Variants in MRPS31 observed in about 807,000 individuals in gnomAD.
MRPS31 encodes small ribosomal subunit protein mS31.
MRPS31 carries 32 observed loss-of-function variants against 43.1 expected under a neutral mutation model. The observed-to-expected ratio is 0.74, with a 90% CI of 0.56 to 1.00. The LOEUF (loss-of-function observed/expected upper bound fraction) is 1.00. Ranked by LOEUF, MRPS31 falls within the 50% of genes least tolerant of loss-of-function variation. MRPS31 has a pLI of 0.00. For missense variants in MRPS31, 437 were observed against 466.7 expected (o/e 0.94, Z 0.59); for synonymous variants, 165 against 161.6 (o/e 1.02, Z -0.16).
At chr13:40,730,396 G>A (rs753755776) in intron 6 of MRPS31, among the ~76,000 whole-genome samples, 2 of 151,922 alleles carry the variant, frequency 1.3e-5, no homozygotes, top group African/African-American at 2.4e-5. Context: ...GTGATGGCAT[G>A]TGCCTGTAAT....
At chr13:40,757,147 T>A in intron 3 of MRPS31, 134 bp from the exon 4 acceptor site, 1 of 632,294 alleles carries the variant, frequency 1.6e-6, no homozygotes, top group Non-Finnish European at 2.5e-6. Flanking sequence ...ATAAAATGTT[T>A]AAATAAAAAA....
intron 6 of MRPS31, chr13:40,731,346 C>T: frequency 6.7e-6 from 1 of 148,826 alleles, no homozygotes; most frequent in Non-Finnish European, 1.5e-5. Context: ...CTGGGGGTGG[C>T]AGGTAGGGGG....
intron 2 of MRPS31, among the ~76,000 whole-genome samples, chr13:40,761,453 T>G (rs1040937936): frequency 2.0e-5 from 3 of 152,210 alleles, no homozygotes; most frequent in Non-Finnish European, 4.4e-5. Flanking sequence ...TAGATGAATA[T>G]TCATTTTCTA....
chr13:40,763,245 G>A (rs1324731046), intron 2 of MRPS31, among the ~76,000 whole-genome samples: 2 of 152,192 alleles, frequency 1.3e-5, no homozygotes, highest in Non-Finnish European at 1.5e-5. Flanking sequence ...ACCACAGCAG[G>A]CTGGCAGGGC....
Position 40,771,068 on chromosome 13 carries a change from G to A in MRPS31, c.69C>T (p.Ser23=), listed in dbSNP as rs1464752017. The change falls in exon 1 of 7, where the codon AGC becomes AGT. Residue 23 remains serine, a synonymous_variant. Coordinates refer to ENST00000323563, the MANE Select transcript of MRPS31 (RefSeq NM_005830.4). ...TAATCGCAGCCGCTGATGTCTCCGG[G>A]CTTCCAGAGGACAAAGGGTGGCGGG... ...PLSRHPLSSG[S]PETSAAAIML... The A allele has an allele frequency of 6.2e-7, 1 of 1,614,132 alleles. No individual in the cohort carries two copies. Among genetic ancestry groups the A allele is most frequent in the Non-Finnish European group, 8.5e-7 (1 of 1,180,004 alleles).
chr13:40,749,305 TAAC>T (rs746140075), intron 5 of MRPS31, 24 bp from the exon 6 acceptor site: 187 of 1,524,016 alleles, frequency 1.2e-4, no homozygotes, highest in African/African-American at 1.4e-4. Flanking sequence ...ACATTTTAGA[TAAC>T]AACAAGTCAA....
At chr13:40,740,693 A>T (rs1420807586) in intron 6 of MRPS31, among the ~76,000 whole-genome samples, 1 of 142,938 alleles carries the variant, frequency 7.0e-6, no homozygotes, top group Non-Finnish European at 1.5e-5. Context: ...AGAACAAAAA[A>T]CCAAACACCG....
intron 2 of MRPS31, among the ~76,000 whole-genome samples, chr13:40,763,094 A>G (rs2138016642): frequency 6.6e-6 from 1 of 152,228 alleles, no homozygotes; most frequent in East Asian, 1.9e-4. Flanking sequence ...AATCAGGTTA[A>G]GAGGAAGTTA....
At chr13:40,753,163 G>T (rs1009699021) in intron 5 of MRPS31, among the ~76,000 whole-genome samples, 1 of 152,052 alleles carries the variant, frequency 6.6e-6, no homozygotes, top group African/African-American at 2.4e-5. Context: ...TTCTCTTTTA[G>T]ACTTAAAATG....
intron 6 of MRPS31, among the ~76,000 whole-genome samples, chr13:40,735,201 C>T (rs572028892): frequency 2.6e-5 from 4 of 152,330 alleles, no homozygotes; most frequent in Admixed American, 2.6e-4. Context: ...GGGTCACTCC[C>T]ACCCGAATAC....
Position 40,770,977 on chromosome 13 carries a change from G to A in MRPS31, c.152+8C>T. ...CAGGACGGGGCACGGGGTTGCCTGA[G>A]GACCTACCGGGCCAACAGCGCTGAA... is the stretch of plus-strand genomic sequence containing the variant. On this transcript the variant is annotated splice_region_variant and intron_variant, in intron 1 of 6. Transcript: ENST00000323563. The A allele has an allele frequency of 1.9e-6, 3 of 1,614,110 alleles. No homozygotes were observed. Among genetic ancestry groups the A allele is most frequent in the Non-Finnish European group, 2.5e-6 (3 of 1,179,998 alleles).
chr13:40,755,618 A>G (rs1419239480), intron 4 of MRPS31, among the ~76,000 whole-genome samples: 1 of 152,102 alleles, frequency 6.6e-6, no homozygotes, highest in Non-Finnish European at 1.5e-5. Flanking sequence ...GAAAAAATCA[A>G]TCCAGGCCTG....
chr13:40,767,311 C>A (rs1233150298), intron 1 of MRPS31, among the ~76,000 whole-genome samples: 1 of 152,186 alleles, frequency 6.6e-6, no homozygotes, highest in Non-Finnish European at 1.5e-5. Flanking sequence ...GCATGTGCCA[C>A]CATGCCCAGC....
intron 6 of MRPS31, among the ~76,000 whole-genome samples, chr13:40,747,401 A>C (rs1404325172): frequency 6.6e-6 from 1 of 152,164 alleles, no homozygotes; most frequent in Non-Finnish European, 1.5e-5. Context: ...CAGGAGCTTA[A>C]ATAATTTCCT....
intron 2 of MRPS31, 27 bp downstream of exon 2, chr13:40,766,719 C>T (rs1225321289): frequency 6.5e-7 from 1 of 1,550,326 alleles, no homozygotes; most frequent in Admixed American, 2.1e-5. Context: ...GAGTTTCAAA[C>T]AACATCTGAA....
In MRPS31 at chr13:40,729,575, G is replaced by A; in HGVS notation, c.985C>T (p.His329Tyr). ...TGTTTCTCCAGAAATATATGTTCAT[G>A]AAATTCTGAACCATCATCATCAAAA... is the stretch of plus-strand genomic sequence containing the variant. ...AGFDDDGSEF[H>Y]EHIFLEKHLE... is the part of the protein sequence containing the mutation. The change falls in exon 7 of 7, where the codon CAT becomes TAT. Residue 329 changes from histidine to tyrosine, a missense_variant. Physicochemically the swap from His to Tyr is moderately conservative, Grantham distance 83. Transcript: ENST00000323563. 6.2e-7 allele frequency: 1 copy of A among 1,613,150 alleles called. No homozygotes were observed. Among genetic ancestry groups the A allele is most frequent in the Non-Finnish European group, 8.5e-7 (1 of 1,179,328 alleles).
chr13:40,746,717 T>C (rs1880249077), intron 6 of MRPS31, among the ~76,000 whole-genome samples: 1 of 152,160 alleles, frequency 6.6e-6, no homozygotes. Context: ...ATACATACTA[T>C]CCTTGCTAAT....
chr13:40,759,181 T>C, intron 2 of MRPS31, 75 bp from the exon 3 acceptor site: 5 of 1,201,198 alleles, frequency 4.2e-6, no homozygotes, highest in Non-Finnish European at 4.5e-6. Context: ...CTCATGCCTG[T>C]AATTCCAGCA....
At chr13:40,738,302 T>A (rs200473077) in intron 6 of MRPS31, among the ~76,000 whole-genome samples, 6,812 of 152,146 alleles carry the variant, frequency 0.045, 312 homozygotes, top group East Asian at 0.14. Flanking sequence ...ATCAATAGCT[T>A]ACCAACCAAA....
Sources: gnomAD v4.1 joint callset for allele counts (sites outside exome capture counted in the v4.1 genomes callset) on GRCh38, gnomAD v4.1.1 for gene constraint, MANE v1.5 for transcripts, NCBI Gene and HGNC (gene_info 2026-07-23, HGNC 2026-07-21) for gene names.